Variants in ELAVL2 observed in about 807,000 individuals in gnomAD.
ELAVL2 encodes ELAV like RNA binding protein 2.
ELAVL2 carries 4 observed loss-of-function variants against 34.6 expected under a neutral mutation model. The observed-to-expected ratio is 0.12, with a 90% CI of 0.06 to 0.26. The LOEUF (loss-of-function observed/expected upper bound fraction) is 0.26, where lower values mean the gene tolerates loss of function less well. Among genes scored for constraint, ELAVL2 ranks in the 10% least tolerant of loss-of-function variants. ELAVL2 has a pLI of 1.00. For synonymous variants in ELAVL2, 193 were observed against 154.8 expected (o/e 1.25, Z -1.83); for missense variants, 432 against 442.8 (o/e 0.98, Z 0.22).
intron 1 of ELAVL2, among the ~76,000 whole-genome samples, chr9:23,763,007 C>A (rs1449947859): frequency 6.6e-6 from 1 of 152,118 alleles, no homozygotes; most frequent in Non-Finnish European, 1.5e-5. Flanking sequence ...TGATCTACAA[C>A]ATCAAAATAA....
At chr9:23,800,477 C>A (rs1163316440) in intron 1 of ELAVL2, among the ~76,000 whole-genome samples, 1 of 152,158 alleles carries the variant, frequency 6.6e-6, no homozygotes, top group Non-Finnish European at 1.5e-5. Context: ...TCACAAGCTG[C>A]AGAACATGTC....
Position 23,703,148 on chromosome 9 carries a change from G to A in ELAVL2, c.488-1544C>T, listed in dbSNP as rs565082175. ...AGAAGACTGCTGATACTGCAGGTGC[G>A]GGACATACTTGAGAACCGCTGACTA... is the stretch of plus-strand genomic sequence containing the variant. On this transcript the variant is annotated intron_variant, in intron 4 of 6. Transcript: ENST00000397312. Among the ~76,000 whole-genome samples the A allele has an allele frequency of 2.4e-4, 36 of 152,032 alleles. 1 individual carries two copies. Among genetic ancestry groups the A allele is most frequent in the African/African-American group, 7.2e-4 (30 of 41,468 alleles).
rs116964424 is a variant in ELAVL2 at position 23,710,419 on chromosome 9, G to A, written c.334-5348C>T. Reference sequence around the variant, plus strand: ...TTCGTCCAAACACACAACTGCTCTCGTTTCTCTGATTCATCAATGGAAAGA... The same window carrying A: ...TTCGTCCAAACACACAACTGCTCTCATTTCTCTGATTCATCAATGGAAAGA... On this transcript the variant is annotated intron_variant, in intron 3 of 6. Coordinates refer to ENST00000397312, the MANE Select transcript of ELAVL2 (RefSeq NM_004432.5). Among the ~76,000 whole-genome samples the A allele has an allele frequency of 3.9e-5, 6 of 152,270 alleles. No individual in the cohort carries two copies. In the East Asian group the frequency reaches 5.8e-4, roughly 15 times the overall value.
At chr9:23,821,962 T>A (rs2138611268) in intron 1 of ELAVL2, 1 of 151,324 alleles carries the variant, frequency 6.6e-6, no homozygotes, top group East Asian at 2.0e-4. Flanking sequence ...GCCCTTCGGG[T>A]CCGTGCCGGC....
intron 1 of ELAVL2, among the ~76,000 whole-genome samples, chr9:23,818,616 C>G (rs1305271817): frequency 3.3e-5 from 5 of 152,150 alleles, no homozygotes. Context: ...ATCTAGCCCC[C>G]TTAAAATGTC....
intron 1 of ELAVL2, among the ~76,000 whole-genome samples, chr9:23,806,268 C>T (rs1040285548): frequency 6.6e-6 from 1 of 152,044 alleles, no homozygotes; most frequent in Non-Finnish European, 1.5e-5. Flanking sequence ...AAGAAAAAAA[C>T]TTGCATGTAA....
chr9:23,723,527 C>A (rs986559714), intron 3 of ELAVL2, among the ~76,000 whole-genome samples: 11 of 151,460 alleles, frequency 7.3e-5, no homozygotes, highest in African/African-American at 2.7e-4. Flanking sequence ...AACTGACCTG[C>A]ACATTGTGCA....
intron 1 of ELAVL2, among the ~76,000 whole-genome samples, chr9:23,806,067 T>C (rs899816355): frequency 1.3e-5 from 2 of 152,146 alleles, no homozygotes; most frequent in Admixed American, 6.5e-5. Context: ...AATAGCACTT[T>C]AATAAAGTCA....
intron 3 of ELAVL2, among the ~76,000 whole-genome samples, chr9:23,722,642 G>C (rs1349099297): frequency 2.6e-5 from 4 of 152,172 alleles, no homozygotes; most frequent in Non-Finnish European, 4.4e-5. Context: ...TCAATAATGT[G>C]AAATGGAAAG....
intron 1 of ELAVL2, among the ~76,000 whole-genome samples, chr9:23,767,295 A>T (rs917041280): frequency 6.6e-6 from 1 of 152,226 alleles, no homozygotes; most frequent in African/African-American, 2.4e-5. Context: ...TAAATGCTTT[A>T]TATCTCATAT....
chr9:23,715,969 CAGAG>C (rs1369687699), intron 3 of ELAVL2, among the ~76,000 whole-genome samples: 1 of 152,062 alleles, frequency 6.6e-6, no homozygotes, highest in Non-Finnish European at 1.5e-5. Context: ...CATGATCTGA[CAGAG>C]AGAAGTACAT....
chr9:23,720,019 G>GT (rs2043261491), intron 3 of ELAVL2, among the ~76,000 whole-genome samples: 1 of 151,766 alleles, frequency 6.6e-6, no homozygotes, highest in Non-Finnish European at 1.5e-5. Context: ...TAGAGACGTG[G>GT]TTTCACTACA....
At chr9:23,746,826 A>T (rs1484952972) in intron 2 of ELAVL2, among the ~76,000 whole-genome samples, 1 of 151,688 alleles carries the variant, frequency 6.6e-6, no homozygotes, top group Non-Finnish European at 1.5e-5. Context: ...AAAAGAAAAA[A>T]AAAAAAAAAA....
At chr9:23,778,397 G>T (rs555863106) in intron 1 of ELAVL2, among the ~76,000 whole-genome samples, 48 of 152,244 alleles carry the variant, frequency 3.2e-4, no homozygotes, top group Admixed American at 3.9e-4. Flanking sequence ...AAACAGTAGT[G>T]TTCAACATTT....
At chr9:23,827,071 G>A (rs1372990279), upstream of ELAVL2, among the ~76,000 whole-genome samples, 1 of 152,168 alleles carries the variant, frequency 6.6e-6, no homozygotes, top group African/African-American at 2.4e-5. Flanking sequence ...AAGAGGTATT[G>A]AGTAGAGCTA....
chr9:23,779,781 G>T (rs1294146270), intron 1 of ELAVL2, among the ~76,000 whole-genome samples: 1 of 151,760 alleles, frequency 6.6e-6, no homozygotes, highest in African/African-American at 2.4e-5. Flanking sequence ...GAGACCAGGA[G>T]AAACTATACT....
chr9:23,798,412 C>T (rs952136147), intron 1 of ELAVL2, among the ~76,000 whole-genome samples: 3 of 152,084 alleles, frequency 2.0e-5, no homozygotes, highest in African/African-American at 4.8e-5. Flanking sequence ...AATCACTCTA[C>T]GTGCCATTTC....
intron 2 of ELAVL2, among the ~76,000 whole-genome samples, chr9:23,733,805 T>C (rs967990884): frequency 6.6e-6 from 1 of 152,130 alleles, no homozygotes; most frequent in Non-Finnish European, 1.5e-5. Flanking sequence ...ACTGATGTTA[T>C]TTATTTAACC....
the ELAVL2 span, among the ~76,000 whole-genome samples, chr9:23,840,608 A>G: frequency 5.9e-5 from 9 of 152,166 alleles, no homozygotes; most frequent in Non-Finnish European, 1.3e-4. Context: ...GATATCTTTA[A>G]AAGATTTTAC....
Sources: gnomAD v4.1 joint callset for allele counts (sites outside exome capture counted in the v4.1 genomes callset) on GRCh38, gnomAD v4.1.1 for gene constraint, MANE v1.5 for transcripts, NCBI Gene and HGNC (gene_info 2026-07-23, HGNC 2026-07-21) for gene names.